Variants in CAP2 observed in about 807,000 individuals in gnomAD.
CAP2 encodes cyclase associated actin cytoskeleton regulatory protein 2, also known as adenylyl cyclase-associated protein 2.
CAP2 carries 24 observed loss-of-function variants against 57.7 expected under a neutral mutation model. The ratio of observed to expected loss-of-function variants is 0.42; its 90% CI spans 0.30 to 0.58. The LOEUF (loss-of-function observed/expected upper bound fraction) is 0.58, where lower values mean the gene tolerates loss of function less well. Ranked by LOEUF, CAP2 falls within the 20% of genes least tolerant of loss-of-function variation. CAP2 has a pLI of 0.22. For missense variants in CAP2, 501 were observed against 590.3 expected (o/e 0.85, Z 1.57); for synonymous variants, 194 against 207.2 (o/e 0.94, Z 0.55).
chr6:17,456,814 G>A (rs1168226465), intron 3 of CAP2, among the ~76,000 whole-genome samples: 3 of 152,118 alleles, frequency 2.0e-5, no homozygotes, highest in Admixed American at 6.5e-5. Context: ...TATTGCCTGT[G>A]GCCTTTCCCC....
chr6:17,543,432 A>G (rs1458887602), intron 11 of CAP2, among the ~76,000 whole-genome samples: 1 of 152,100 alleles, frequency 6.6e-6, no homozygotes, highest in Admixed American at 6.6e-5. Flanking sequence ...CCTGGCTAAC[A>G]CAGTGAAACC....
intron 1 of CAP2, among the ~76,000 whole-genome samples, chr6:17,406,727 G>A (rs898222799): frequency 6.6e-6 from 1 of 152,036 alleles, no homozygotes; most frequent in African/African-American, 2.4e-5. Flanking sequence ...AGGTGCCTGT[G>A]CTGCTGCTTA....
At chr6:17,552,505 C>A (rs747425105) in intron 12 of CAP2, among the ~76,000 whole-genome samples, 3 of 152,014 alleles carry the variant, frequency 2.0e-5, no homozygotes, top group African/African-American at 7.2e-5. Flanking sequence ...AAAAATTAGC[C>A]GTGTGAATCC....
rs531226494 is a variant in CAP2 at position 17,543,195 on chromosome 6, C to T, written c.1209+52C>T. ...GTAATAAGCAGAGCCTTTCCAACCA[C>T]GCTGTAATAAGCAGAGCCTTTCCAA... On this transcript the variant is annotated intron_variant, in intron 11 of 12. Transcript: ENST00000229922. 2.8e-5 allele frequency: 40 copies of T among 1,439,446 alleles called. No homozygotes were observed. In the African/African-American group the frequency reaches 2.8e-4, roughly 10 times the overall value. 89.2% of individuals were successfully genotyped at this position (1,439,446 alleles called of 1,614,324 possible). A position where few individuals can be genotyped will look rare whatever the true frequency, so the allele number is the denominator to read the frequency against.
intron 11 of CAP2, among the ~76,000 whole-genome samples, chr6:17,543,624 C>CA (rs66747239): frequency 0.028 from 2,319 of 83,794 alleles, 102 homozygotes; most frequent in African/African-American, 0.097. Context: ...GACTCCATCT[C>CA]AAAAAAAAAA....
chr6:17,549,471 A>AAAAG (rs1026594797), intron 11 of CAP2, among the ~76,000 whole-genome samples: 60 of 152,316 alleles, frequency 3.9e-4, no homozygotes, highest in African/African-American at 1.3e-3. Context: ...TCTTCAAAAA[A>AAAAG]AAAGAAAGAA....
chr6:17,488,914 G>A (rs1457316958), intron 4 of CAP2, among the ~76,000 whole-genome samples: 1 of 152,122 alleles, frequency 6.6e-6, no homozygotes. Flanking sequence ...TTAATAAGGG[G>A]CAGAGTCAAG....
intron 4 of CAP2, among the ~76,000 whole-genome samples, chr6:17,480,489 T>C (rs1761260227): frequency 1.3e-5 from 2 of 152,108 alleles, no homozygotes; most frequent in South Asian, 2.1e-4. Context: ...ACCTGGTATA[T>C]TGTAATAAGG....
At chr6:17,437,823 A>G (rs1432481812) in intron 3 of CAP2, among the ~76,000 whole-genome samples, 1 of 151,856 alleles carries the variant, frequency 6.6e-6, no homozygotes, top group Non-Finnish European at 1.5e-5. Context: ...TTTGCAGTGA[A>G]CAGAGATCAC....
chr6:17,502,653 T>A (rs1279554168), intron 4 of CAP2, among the ~76,000 whole-genome samples: 1 of 152,198 alleles, frequency 6.6e-6, no homozygotes, highest in African/African-American at 2.4e-5. Context: ...CTTTAGAGTT[T>A]GTTCTAGGGA....
chr6:17,438,631 G>C (rs1759974696), intron 3 of CAP2, among the ~76,000 whole-genome samples: 1 of 145,588 alleles, frequency 6.9e-6, no homozygotes, highest in Non-Finnish European at 1.5e-5. Context: ...AGTAGAGACG[G>C]GGTTTCACAG....
intron 1 of CAP2, among the ~76,000 whole-genome samples, chr6:17,401,984 A>G (rs1055272841): frequency 1.3e-5 from 2 of 152,188 alleles, no homozygotes; most frequent in African/African-American, 4.8e-5. Flanking sequence ...TCTCTATATA[A>G]TATATAATTG....
chr6:17,428,195 T>C (rs1174948436), intron 3 of CAP2, among the ~76,000 whole-genome samples: 3 of 152,202 alleles, frequency 2.0e-5, no homozygotes, highest in African/African-American at 4.8e-5. Flanking sequence ...AACACAGAAT[T>C]TGATAATCTC....
intron 12 of CAP2, among the ~76,000 whole-genome samples, chr6:17,553,461 A>G (rs1198386571): frequency 2.0e-5 from 3 of 151,872 alleles, no homozygotes; most frequent in East Asian, 1.9e-4. Context: ...GTGAAACCCC[A>G]TCTCTACTAA....
chr6:17,456,361 G>C (rs9477435), intron 3 of CAP2, among the ~76,000 whole-genome samples: 7,745 of 152,214 alleles, frequency 0.051, 666 homozygotes, highest in African/African-American at 0.18. Context: ...ACAAAATCAA[G>C]CATCTTCAGT....
At position 17,396,205 on chromosome 6, in the gene CAP2, G is replaced by C. The variant is rs374983943; in HGVS notation, c.-2+2459G>C. ...TGGAACCTTTGTACACCACCGATGG[G>C]AATATAAGATGGTGCCCTCACTTTG... On this transcript the variant is annotated intron_variant, in intron 1 of 12. Coordinates refer to ENST00000229922, the MANE Select transcript of CAP2 (RefSeq NM_006366.3). 7.3e-4 allele frequency among the ~76,000 whole-genome samples: 111 copies of C among 152,282 alleles called. 2 individuals carry two copies. The South Asian group carries it at 0.021, about 29-fold the overall frequency.
intron 3 of CAP2, among the ~76,000 whole-genome samples, chr6:17,449,391 G>C (rs1163478505): frequency 6.6e-6 from 1 of 151,906 alleles, no homozygotes; most frequent in Non-Finnish European, 1.5e-5. Flanking sequence ...TAAAAGCCTT[G>C]TGCAATTATT....
intron 4 of CAP2, among the ~76,000 whole-genome samples, chr6:17,489,231 A>T (rs1309147395): frequency 1.3e-5 from 2 of 152,212 alleles, no homozygotes; most frequent in African/African-American, 4.8e-5. Flanking sequence ...CAGGAGTTCA[A>T]GACCAGCCTG....
Position 17,421,541 on chromosome 6 carries a change from C to T in CAP2, c.-1-14C>T. On this transcript the variant is annotated splice_polypyrimidine_tract_variant and intron_variant, in intron 1 of 12. Coordinates refer to ENST00000229922, the MANE Select transcript of CAP2 (RefSeq NM_006366.3). The stretch of plus-strand genomic sequence containing the variant: ...ATGCTCACGCAGCCTCCATTTGTGC[C>T]TGTGCTTTTCTAGAATGGCCAACAT... 1 of 1,614,188 alleles carries T rather than the reference C, an allele frequency of 6.2e-7. No homozygotes were observed. Among genetic ancestry groups the T allele is most frequent in the Non-Finnish European group, 8.5e-7 (1 of 1,180,014 alleles).
Sources: gnomAD v4.1 joint callset for allele counts (sites outside exome capture counted in the v4.1 genomes callset) on GRCh38, gnomAD v4.1.1 for gene constraint, MANE v1.5 for transcripts, NCBI Gene and HGNC (gene_info 2026-07-23, HGNC 2026-07-21) for gene names.